MTMR10: variants seen among roughly 807,000 people sequenced by gnomAD.
MTMR10 encodes the protein myotubularin related protein 10, also known as myotubularin-related protein 10.
Under a neutral mutation model 88.1 loss-of-function variants are expected in MTMR10, and 56 were observed. The ratio of observed to expected loss-of-function variants is 0.64; its 90% CI spans 0.51 to 0.79. The LOEUF is 0.79. Ranked by LOEUF, MTMR10 falls within the 30% of genes least tolerant of loss-of-function variation. MTMR10 has a pLI of 0.00. For synonymous variants in MTMR10, 380 were observed against 340.9 expected, an observed-to-expected ratio of 1.11 and a Z score of -1.26; for missense variants, 883 against 924.7, an observed-to-expected ratio of 0.95 and a Z score of 0.58.
intron 5 of MTMR10, among the ~76,000 whole-genome samples, chr15:30,970,452 A>C (rs1566961447): frequency 6.6e-6 from 1 of 152,144 alleles, no homozygotes; most frequent in Admixed American, 6.5e-5. Flanking sequence ...GACTTGAGTA[A>C]AGATCTGAAG....
At chr15:30,972,203 C>T (rs949372301) in intron 5 of MTMR10, among the ~76,000 whole-genome samples, 1 of 152,064 alleles carries the variant, frequency 6.6e-6, no homozygotes. Flanking sequence ...TTCCTAACTG[C>T]TACCGAATTT....
chr15:30,963,978 G>GA (rs2063441773), intron 6 of MTMR10, among the ~76,000 whole-genome samples: 1 of 151,226 alleles, frequency 6.6e-6, no homozygotes, highest in Non-Finnish European at 1.5e-5. Flanking sequence ...TGTAAGTGCA[G>GA]AAAAACATAT....
At chr15:30,987,601 CAACTG>C (rs2031021231) in intron 2 of MTMR10, among the ~76,000 whole-genome samples, 1 of 152,094 alleles carries the variant, frequency 6.6e-6, no homozygotes, top group Non-Finnish European at 1.5e-5. Context: ...AAACTTTGGG[CAACTG>C]AAGTAGGATA....
At chr15:30,964,935 T>C (rs2063455540) in intron 6 of MTMR10, among the ~76,000 whole-genome samples, 1 of 152,144 alleles carries the variant, frequency 6.6e-6, no homozygotes, top group South Asian at 2.1e-4. Flanking sequence ...GTCATCAATA[T>C]ATGAAAAGAA....
At chr15:30,967,826 AT>A (rs774422542) in intron 6 of MTMR10, 93 bp downstream of exon 6, 294 of 986,660 alleles carry the variant, frequency 3.0e-4, no homozygotes, top group Non-Finnish European at 3.9e-4. Flanking sequence ...TTCTACAATC[AT>A]TAAAGCTCAT....
the MTMR10 span, among the ~76,000 whole-genome samples, chr15:30,924,714 G>A: frequency 4.6e-5 from 7 of 152,158 alleles, no homozygotes; most frequent in Admixed American, 1.3e-4. Context: ...GCCCCCATGC[G>A]TGGGCTCCTG....
downstream of MTMR10, among the ~76,000 whole-genome samples, chr15:30,936,751 C>T (rs886624588): frequency 6.6e-6 from 1 of 152,190 alleles, no homozygotes; most frequent in African/African-American, 2.4e-5. Flanking sequence ...GTGCATTAGC[C>T]TACAGTTGGG....
the MTMR10 span, among the ~76,000 whole-genome samples, chr15:30,924,783 C>T: frequency 6.6e-6 from 1 of 152,068 alleles, no homozygotes; most frequent in Non-Finnish European, 1.5e-5. Context: ...TACAAAGCTG[C>T]CTAGGTGATG....
At chr15:30,934,107 C>T (rs547721758), downstream of MTMR10, among the ~76,000 whole-genome samples, 8 of 152,218 alleles carry the variant, frequency 5.3e-5, no homozygotes, top group East Asian at 1.9e-4. Context: ...TGTTATAAGA[C>T]GCATAGACTT....
chr15:30,942,988 T>C lies in MTMR10; in HGVS notation c.1633A>G (p.Thr545Ala), dbSNP rs1345908431. The C allele has an allele frequency of 1.3e-6, 2 of 1,553,560 alleles. No homozygotes were observed. The highest frequency in any genetic ancestry group is 2.7e-5 in the African/African-American group (2 of 73,302). ...TGGAAAAGGGTGCGATCCTTTGCTGTAAACTGGAGAGACCAGTCCCAAACA... is the reference window on the plus strand; with the variant it reads ...TGGAAAAGGGTGCGATCCTTTGCTGCAAACTGGAGAGACCAGTCCCAAACA... ...PSVWDWSLQF[T>A]AKDRTLFHNP... Residue 545 changes from threonine (T) to alanine (A), a missense_variant, in exon 15 of 16, where the codon ACA becomes GCA. By Grantham distance (58) the Thr-to-Ala change is moderately conservative. Coordinates refer to ENST00000435680, the MANE Select transcript of MTMR10 (RefSeq NM_017762.3).
rs1348710653 is a variant in MTMR10, at chr15:30,939,709, CATTT to C, written c.*1757_*1760del. The C allele has an allele frequency of 1.0e-6, 1 of 973,902 alleles. No homozygotes were observed. The highest frequency in any genetic ancestry group is 1.2e-6 in the Non-Finnish European group (1 of 819,540). 60.3% of individuals were successfully genotyped at this position (973,902 alleles called of 1,614,324 possible). A position where few individuals can be genotyped will look rare whatever the true frequency, so the allele number is the denominator to read the frequency against. ...AGAGGGAAAAATGCTCAATCCAAAACATTTAGTAATAATAAAAAAGCAGCTAAAT... is the reference window on the plus strand; with the variant it reads ...AGAGGGAAAAATGCTCAATCCAAAACAGTAATAATAAAAAAGCAGCTAAAT... On this transcript the variant is annotated 3_prime_UTR_variant, in exon 16 of 16. Coordinates refer to ENST00000435680, the MANE Select transcript of MTMR10 (RefSeq NM_017762.3).
rs552557197 is a variant in MTMR10 at position 30,941,696 on chromosome 15, G to T, written c.2108C>A (p.Pro703His). 1.5e-5 allele frequency: 24 copies of T among 1,613,690 alleles called. No individual in the cohort carries two copies. Among genetic ancestry groups the T allele is most frequent in the Non-Finnish European group, 2.0e-5 (24 of 1,179,824 alleles). Reference protein sequence around the residue: ...SRMLRQQRSGPLEACYGELGQ... With the variant: ...SRMLRQQRSGHLEACYGELGQ... ...CAGCTCCCCATAGCAGGCCTCCAGG[G>T]GGCCACTGCGCTGTTGCCGCAGCAT... Residue 703 changes from proline to histidine, a missense_variant, in exon 16 of 16, where the codon CCC becomes CAC. Around this residue, in one of 3 missense-constraint regions of MTMR10, gnomAD observed 343 missense variants for 323.2 expected, o/e 1.06. Coordinates refer to ENST00000435680, the MANE Select transcript of MTMR10 (RefSeq NM_017762.3).
chr15:30,928,539 T>TGTGA, the MTMR10 span: 3 of 1,611,324 alleles, frequency 1.9e-6, no homozygotes, highest in South Asian at 2.2e-5. Context: ...TGTGTGTGTG[T>TGTGA]GACCTTGTCT....
At chr15:30,933,929 T>A in the MTMR10 span, among the ~76,000 whole-genome samples, 2 of 152,022 alleles carry the variant, frequency 1.3e-5, no homozygotes, top group Non-Finnish European at 2.9e-5. Flanking sequence ...CCCAGCTGAT[T>A]TTTTTTATTT....
At chr15:30,920,630 C>T in the MTMR10 span, 17 of 1,608,818 alleles carry the variant, frequency 1.1e-5, no homozygotes, top group Non-Finnish European at 1.3e-5. Flanking sequence ...TGTGGAAATA[C>T]TGCAGAGACT....
intron 2 of MTMR10, among the ~76,000 whole-genome samples, chr15:30,987,049 T>G (rs868583455): frequency 7.9e-5 from 12 of 152,306 alleles, no homozygotes; most frequent in Middle Eastern, 6.8e-3. Context: ...TACAATATAA[T>G]CACTGAAAGA....
At chr15:30,919,964 A>G in the MTMR10 span, among the ~76,000 whole-genome samples, 2 of 152,208 alleles carry the variant, frequency 1.3e-5, no homozygotes, top group East Asian at 3.8e-4. Flanking sequence ...TAAAAATCAC[A>G]AGAAGTTAGA....
the MTMR10 span, among the ~76,000 whole-genome samples, chr15:30,921,259 C>A: frequency 4.0e-4 from 61 of 152,228 alleles, no homozygotes; most frequent in South Asian, 3.9e-3. Flanking sequence ...GAGGGTGCCC[C>A]ACAGGTCTGC....
At chr15:30,967,864 A>C (rs2063490416) in intron 6 of MTMR10, 56 bp downstream of exon 6, 2 of 1,392,922 alleles carry the variant, frequency 1.4e-6, no homozygotes, top group Admixed American at 2.1e-5. Context: ...GGTAAACATA[A>C]GAGTAAAATT....
Sources: allele counts gnomAD v4.1 joint callset (sites outside exome capture counted in the v4.1 genomes callset), GRCh38; gene constraint gnomAD v4.1.1; regional missense constraint gnomAD v4.1.1; transcripts MANE v1.5; gene names NCBI Gene and HGNC (gene_info 2026-07-23, HGNC 2026-07-21).